Variants in SOX6 observed in about 807,000 individuals in gnomAD.
SOX6 encodes SRY-box transcription factor 6.
SOX6 carries 11 observed loss-of-function variants against 97.8 expected under a neutral mutation model. The observed-to-expected ratio is 0.11, with a 90% CI of 0.07 to 0.19. SOX6 has a LOEUF of 0.19. Among genes scored for constraint, SOX6 ranks in the 10% least tolerant of loss-of-function variants. The probability of loss-of-function intolerance (pLI) is 1.00; values close to 1 mark genes in which losing one functional copy is unlikely to be tolerated. For synonymous variants in SOX6, 360 were observed against 371.4 expected (o/e 0.97, Z 0.35); for missense variants, 810 against 1,039.5 (o/e 0.78, Z 3.04).
chr11:16,560,489 G>A (rs535556902), intron 4 of SOX6, among the ~76,000 whole-genome samples: 5 of 145,520 alleles, frequency 3.4e-5, no homozygotes, highest in Middle Eastern at 3.4e-3. Flanking sequence ...ATGTTTATAC[G>A]TACATATATG....
intron 4 of SOX6, among the ~76,000 whole-genome samples, chr11:16,602,370 T>C (rs1244756131): frequency 6.6e-6 from 1 of 152,232 alleles, no homozygotes; most frequent in East Asian, 1.9e-4. Flanking sequence ...TTACTTACTA[T>C]CTTTGGTCTT....
intron 3 of SOX6, among the ~76,000 whole-genome samples, chr11:16,310,396 A>G (rs1372777142): frequency 1.3e-5 from 2 of 152,126 alleles, no homozygotes; most frequent in African/African-American, 4.8e-5. Context: ...CAATAGTTCT[A>G]GCTCCTCAAT....
intron 1 of SOX6, among the ~76,000 whole-genome samples, chr11:16,422,263 C>T (rs1290762332): frequency 6.6e-6 from 1 of 152,160 alleles, no homozygotes; most frequent in East Asian, 1.9e-4. Context: ...ATGGCCTTTA[C>T]ATTTGACAGT....
chr11:16,546,522 C>G (rs915403627), intron 4 of SOX6, among the ~76,000 whole-genome samples: 1 of 152,098 alleles, frequency 6.6e-6, no homozygotes, highest in Non-Finnish European at 1.5e-5. Context: ...AAAGGACACC[C>G]TCTTAAATAA....
intron 4 of SOX6, among the ~76,000 whole-genome samples, chr11:16,526,248 T>C (rs1420657108): frequency 3.9e-5 from 6 of 152,080 alleles, no homozygotes; most frequent in Admixed American, 3.9e-4. Flanking sequence ...TGTCTAACAA[T>C]GTAGACTGGA....
chr11:16,572,881 G>A (rs557355256), intron 4 of SOX6, among the ~76,000 whole-genome samples: 50 of 152,154 alleles, frequency 3.3e-4, no homozygotes, highest in African/African-American at 1.1e-3. Flanking sequence ...AATAGAATTT[G>A]GCTTAAACAA....
At chr11:16,638,253 G>A (rs1475961005) in intron 3 of SOX6, among the ~76,000 whole-genome samples, 3 of 151,982 alleles carry the variant, frequency 2.0e-5, no homozygotes, top group Non-Finnish European at 4.4e-5. Context: ...TTTTATGGCT[G>A]CATAGTATTC....
chr11:16,524,661 G>T (rs1861126280), intron 4 of SOX6, among the ~76,000 whole-genome samples: 2 of 151,958 alleles, frequency 1.3e-5, no homozygotes, highest in East Asian at 1.9e-4. Context: ...GAAATAAAGG[G>T]TATTCAATTA....
At position 16,588,114 on chromosome 11, in the gene SOX6, G is replaced by GT. The variant is rs528250686; in HGVS notation, n.609+23966dup. ...ATAGTGTTATCGTTTTTGCTCATGA[G>GT]TCTACTAGCATGAATTCATATATTA... On this transcript the variant is annotated intron_variant and non_coding_transcript_variant, in intron 4 of 5. Coordinates refer to the SOX6 transcript ENST00000524520. Among the ~76,000 whole-genome samples the GT allele has an allele frequency of 2.0e-4, 30 of 152,302 alleles. No individual in the cohort carries two copies. The South Asian group carries it at 3.3e-3, about 17-fold the overall frequency.
At chr11:16,522,799 AT>A (rs1861089709) in intron 4 of SOX6, among the ~76,000 whole-genome samples, 1 of 152,182 alleles carries the variant, frequency 6.6e-6, no homozygotes, top group Non-Finnish European at 1.5e-5. Flanking sequence ...TACCAAGCAA[AT>A]GGAAAGCAAA....
chr11:16,363,355 A>G (rs916838235), intron 1 of SOX6, among the ~76,000 whole-genome samples: 1 of 152,156 alleles, frequency 6.6e-6, no homozygotes, highest in Non-Finnish European at 1.5e-5. Context: ...CTCTGACACA[A>G]TGGTCAAAAG....
chr11:16,513,208 C>T (rs1229446083), intron 4 of SOX6, among the ~76,000 whole-genome samples: 3 of 152,036 alleles, frequency 2.0e-5, no homozygotes, highest in African/African-American at 7.2e-5. Flanking sequence ...TGATCCCAAA[C>T]TAAAATGTAA....
chr11:16,498,156 C>A (rs1364378945), intron 4 of SOX6, among the ~76,000 whole-genome samples: 5 of 152,152 alleles, frequency 3.3e-5, no homozygotes, highest in Non-Finnish European at 5.9e-5. Flanking sequence ...CAGTGGGGGC[C>A]AATATTCAAC....
chr11:16,086,041 A>AT (rs1307009971), intron 9 of SOX6, among the ~76,000 whole-genome samples: 1 of 152,086 alleles, frequency 6.6e-6, no homozygotes, highest in Non-Finnish European at 1.5e-5. Flanking sequence ...AAGTTTTAGT[A>AT]TTTTTTCTTT....
At chr11:16,665,601 G>T (rs1847801388) in intron 3 of SOX6, among the ~76,000 whole-genome samples, 1 of 152,178 alleles carries the variant, frequency 6.6e-6, no homozygotes. Context: ...ACCTGCCCAG[G>T]ACTGGGGGGA....
chr11:16,363,711 G>A (rs1857268814), intron 1 of SOX6, among the ~76,000 whole-genome samples: 1 of 151,898 alleles, frequency 6.6e-6, no homozygotes, highest in African/African-American at 2.4e-5. Flanking sequence ...CTGCATCTTT[G>A]CTTATCTGTG....
chr11:16,584,248 C>A (rs1307172413), intron 4 of SOX6, among the ~76,000 whole-genome samples: 1 of 152,024 alleles, frequency 6.6e-6, no homozygotes, highest in Admixed American at 6.5e-5. Flanking sequence ...TGGAATCACA[C>A]CACAAAAAAG....
intron 4 of SOX6, among the ~76,000 whole-genome samples, chr11:16,573,969 T>A (rs1216969994): frequency 6.6e-6 from 1 of 152,162 alleles, no homozygotes; most frequent in African/African-American, 2.4e-5. Context: ...TAAGCTTTAG[T>A]GGGAGATGTT....
At chr11:15,992,317 A>G (rs1328175455) in intron 13 of SOX6, among the ~76,000 whole-genome samples, 4 of 152,200 alleles carry the variant, frequency 2.6e-5, no homozygotes, top group Non-Finnish European at 5.9e-5. Context: ...AACTACTTTT[A>G]AATTGAATCT....
Sources: gnomAD v4.1 joint callset for allele counts (sites outside exome capture counted in the v4.1 genomes callset) on GRCh38, gnomAD v4.1.1 for gene constraint, MANE v1.5 for transcripts, NCBI Gene and HGNC (gene_info 2026-07-23, HGNC 2026-07-21) for gene names.